The following FBXO3 variants were observed in gnomAD, a reference collection of about 807,000 sequenced individuals.
FBXO3 encodes F-box only protein 3.
A neutral mutation model predicts 64.8 loss-of-function variants in FBXO3; 17 were observed. That is an observed-to-expected ratio of 0.26 (90% confidence interval 0.18 to 0.39). The LOEUF is 0.39. Ranked by LOEUF, FBXO3 falls within the 10% of genes least tolerant of loss-of-function variation. The pLI, the probability that FBXO3 is intolerant of heterozygous loss-of-function variation, is 1.00. For synonymous variants in FBXO3, 182 were observed against 201.6 expected, an observed-to-expected ratio of 0.90 and a Z score of 0.82; for missense variants, 420 against 589.9, an observed-to-expected ratio of 0.71 and a Z score of 2.98.
At chr11:33,758,696 A>G in intron 3 of FBXO3, 95 bp from the exon 4 acceptor site, 1 of 781,652 alleles carries the variant, frequency 1.3e-6, no homozygotes, top group Middle Eastern at 2.5e-4. Context: ...CAATCTTGGA[A>G]TGAGTGAATT....
At chr11:33,758,871 A>G (rs772117191) in intron 3 of FBXO3, among the ~76,000 whole-genome samples, 10 of 152,208 alleles carry the variant, frequency 6.6e-5, no homozygotes, top group African/African-American at 1.4e-4. Flanking sequence ...TTCACATTAT[A>G]ACACAAACCT....
At chr11:33,749,714 C>G (rs1405837440) in intron 8 of FBXO3, among the ~76,000 whole-genome samples, 1 of 152,138 alleles carries the variant, frequency 6.6e-6, no homozygotes, top group Non-Finnish European at 1.5e-5. Context: ...TCCCCTTTCC[C>G]TAGGAATCTG....
At chr11:33,763,084 T>C (rs1855281981) in intron 3 of FBXO3, 1 of 196,164 alleles carries the variant, frequency 5.1e-6, no homozygotes, top group Non-Finnish European at 1.1e-5. Flanking sequence ...AAAATAGTCC[T>C]ATATCTAATA....
chr11:33,768,420 G>C (rs969855639), intron 3 of FBXO3, among the ~76,000 whole-genome samples: 1 of 152,018 alleles, frequency 6.6e-6, no homozygotes, highest in Non-Finnish European at 1.5e-5. Flanking sequence ...TAAACACCAA[G>C]GGTCTTTCTG....
intron 8 of FBXO3, among the ~76,000 whole-genome samples, chr11:33,749,993 T>C (rs1343096757): frequency 4.0e-5 from 6 of 151,882 alleles, no homozygotes; most frequent in Admixed American, 3.9e-4. Context: ...TATATAAAAA[T>C]ATATTTTAAA....
chr11:33,758,510 A>G lies in FBXO3; in HGVS notation c.450T>C (p.Asn150=). Residue 150 remains asparagine, a synonymous_variant, in exon 4 of 11, where the codon AAT becomes AAC. Coordinates refer to ENST00000265651, the MANE Select transcript of FBXO3 (RefSeq NM_012175.4). ...DDYRCSYRIH[N]GQKLVVPGLL... ...ACCCAGGAACCACTAACTTCTGTCCATTGTGAATTCGGTATGAACATCGAT... is the reference window on the plus strand; with the variant it reads ...ACCCAGGAACCACTAACTTCTGTCCGTTGTGAATTCGGTATGAACATCGAT... 6.2e-7 allele frequency: 1 copy of G among 1,606,330 alleles called. No individual in the cohort carries two copies. Among genetic ancestry groups the G allele is most frequent in the East Asian group, 2.2e-5 (1 of 44,710 alleles).
intron 1 of FBXO3, chr11:33,771,172 G>C (rs1472067906): frequency 6.2e-6 from 1 of 162,274 alleles, no homozygotes; most frequent in Admixed American, 6.4e-5. Context: ...CTACATATAG[G>C]AAGAAAGTTA....
At chr11:33,764,051 C>T (rs1855308317) in intron 3 of FBXO3, among the ~76,000 whole-genome samples, 1 of 152,112 alleles carries the variant, frequency 6.6e-6, no homozygotes, top group Non-Finnish European at 1.5e-5. Flanking sequence ...TAGAAATATA[C>T]TCATAGAGAC....
At chr11:33,764,106 A>G (rs1409731000) in intron 3 of FBXO3, among the ~76,000 whole-genome samples, 1 of 152,240 alleles carries the variant, frequency 6.6e-6, no homozygotes, top group African/African-American at 2.4e-5. Context: ...TGTAATAGCC[A>G]GAAATAGAAA....
intron 3 of FBXO3, among the ~76,000 whole-genome samples, chr11:33,767,148 T>C (rs751137972): frequency 6.6e-6 from 1 of 152,208 alleles, no homozygotes; most frequent in Non-Finnish European, 1.5e-5. Flanking sequence ...GCTCTTCTAG[T>C]CCAATATACA....
chr11:33,748,877 T>G lies in FBXO3; in HGVS notation c.948A>C (p.Lys316Asn), dbSNP rs772383461. 2.0e-5 allele frequency: 33 copies of G among 1,612,622 alleles called. No homozygotes were observed. In the South Asian group the frequency reaches 3.5e-4, roughly 17 times the overall value. The change falls in exon 9 of 11, where the codon AAA becomes AAC. Residue 316 changes from lysine (K) to asparagine (N), a missense_variant. Physicochemically the swap from Lys to Asn is moderately conservative, Grantham distance 94. Around this residue, in one of 3 missense-constraint regions of FBXO3, gnomAD observed 337 missense variants for 518.4 expected, o/e 0.65. Coordinates refer to ENST00000265651, the MANE Select transcript of FBXO3 (RefSeq NM_012175.4). Reference sequence around the variant, plus strand: ...GACAGGCCTTCTCAGGAAGTGCATCTTTTGACATTTCAATCCTAGAGAAGG... The same window carrying G: ...GACAGGCCTTCTCAGGAAGTGCATCGTTTGACATTTCAATCCTAGAGAAGG... ...FTYRIRIEMS[K>N]DALPEKACQL...
Position 33,750,607 on chromosome 11 carries a change from A to G in FBXO3, c.864T>C (p.Val288=). The G allele has an allele frequency of 1.2e-6, 2 of 1,613,892 alleles. No individual in the cohort carries two copies. The highest frequency in any genetic ancestry group is 2.2e-5 in the South Asian group (2 of 91,080). Residue 288 remains valine, a synonymous_variant, in exon 8 of 11, where the codon GTT becomes GTC. Transcript: ENST00000265651. ...VATTGDITVS[V]STSFLPELSS... is the part of the protein sequence containing the mutation. Reference sequence around the variant, plus strand: ...TAAGTTCTGGCAGAAACGATGTGGAAACTGACACAGTAATATCCCCAGTTG... The same window carrying G: ...TAAGTTCTGGCAGAAACGATGTGGAGACTGACACAGTAATATCCCCAGTTG...
At chr11:33,773,626 TCCA>T (rs1298924891) in intron 1 of FBXO3, 1 of 152,268 alleles carries the variant, frequency 6.6e-6, no homozygotes, top group East Asian at 1.9e-4. Context: ...CGCCATTTCT[TCCA>T]CCACCCCAGA....
chr11:33,769,149 T>C, intron 2 of FBXO3, 135 bp from the exon 3 acceptor site: 1 of 742,268 alleles, frequency 1.3e-6, no homozygotes, highest in Non-Finnish European at 2.0e-6. Context: ...GAAGATCAGA[T>C]AGCAAAAAGT....
rs549763859 is a variant in FBXO3, at chr11:33,757,069, G to A, written c.474-1094C>T. ...TCTGAATACCTTATAATCTCAATGT[G>A]ATCACCTTTGGGATTCCCTGTACTC... On this transcript the variant is annotated intron_variant, in intron 4 of 10. Coordinates refer to ENST00000265651, the MANE Select transcript of FBXO3 (RefSeq NM_012175.4). 3.2e-4 allele frequency: 164 copies of A among 518,730 alleles called. 3 individuals carry two copies. Among genetic ancestry groups the A allele is most frequent in the South Asian group, 2.3e-3 (163 of 71,564 alleles). 32.1% of individuals were successfully genotyped at this position (518,730 alleles called of 1,614,324 possible). A position where few individuals can be genotyped will look rare whatever the true frequency, so the allele number is the denominator to read the frequency against.
chr11:33,741,855 A>C lies in FBXO3; in HGVS notation c.*53T>G. ...AATTTAGTTATTTACATTATTGAGA[A>C]ATCTATTTAACAGCCTAGAATCATC... On this transcript the variant is annotated 3_prime_UTR_variant, in exon 11 of 11. Coordinates refer to ENST00000265651, the MANE Select transcript of FBXO3 (RefSeq NM_012175.4). The C allele has an allele frequency of 6.7e-7, 1 of 1,503,542 alleles. No homozygotes were observed. The highest frequency in any genetic ancestry group is 8.9e-7 in the Non-Finnish European group (1 of 1,125,886). The allele number at this position is 1,503,542 out of a possible 1,614,324, so 93.1% of individuals were successfully genotyped here. A position where few individuals can be genotyped will look rare whatever the true frequency, so the allele number is the denominator to read the frequency against.
rs568578146 is a variant in FBXO3, at chr11:33,747,279, T to C, written c.1090A>G (p.Thr364Ala). 51 of 1,613,656 alleles carry C rather than the reference T, an allele frequency of 3.2e-5. No individual in the cohort carries two copies. In the South Asian group the frequency reaches 5.6e-4, roughly 18 times the overall value. ...IISPGRVYEY[T>A]SCTTFSTTSG... ...GTTGTAGAGAATGTGGTACAGCTTG[T>C]GTATTCATATACCCGACCTGGGCTG... The change falls in exon 10 of 11, where the codon ACA (threonine) becomes GCA (alanine). Residue 364 changes from threonine (T) to alanine (A), a missense_variant. Thr to Ala is a moderately conservative substitution (Grantham distance 58, BLOSUM62 0). This residue lies in a region of FBXO3 where 337 missense variants were observed against 518.4 expected (regional missense o/e 0.65). Transcript: ENST00000265651.
intron 6 of FBXO3, chr11:33,753,646 T>A (rs189817545): frequency 6.6e-6 from 1 of 152,218 alleles, no homozygotes; most frequent in African/African-American, 2.4e-5. Context: ...CTTGATATTA[T>A]GAAGTACACC....
At chr11:33,746,815 TAAG>T (rs1854823832) in intron 10 of FBXO3, 2 of 1,413,244 alleles carry the variant, frequency 1.4e-6, no homozygotes, top group Admixed American at 3.0e-5. Flanking sequence ...AAAAACACTG[TAAG>T]AAGTTGTTTT....
Sources: gnomAD v4.1 joint callset for allele counts (sites outside exome capture counted in the v4.1 genomes callset) on GRCh38, gnomAD v4.1.1 for gene constraint, gnomAD v4.1.1 regional missense constraint, MANE v1.5 for transcripts, NCBI Gene and HGNC (gene_info 2026-07-23, HGNC 2026-07-21) for gene names.